The following LRRFIP1 variants were observed in gnomAD, a reference collection of about 807,000 sequenced individuals.
LRRFIP1 encodes leucine-rich repeat flightless-interacting protein 1.
A neutral mutation model predicts 104.4 loss-of-function variants in LRRFIP1; 62 were observed. The ratio of observed to expected loss-of-function variants is 0.59; its 90% CI spans 0.48 to 0.73. The LOEUF is 0.73. Ranked by LOEUF, LRRFIP1 falls within the 30% of genes least tolerant of loss-of-function variation. The probability of loss-of-function intolerance (pLI) is 0.00; values close to 1 mark genes in which losing one functional copy is unlikely to be tolerated. For missense variants in LRRFIP1, 796 were observed against 824.5 expected (o/e 0.97, Z 0.42); for synonymous variants, 300 against 299.0 (o/e 1.00, Z -0.03).
chr2:237,719,215 G>C (rs2094452591), intron 4 of LRRFIP1, among the ~76,000 whole-genome samples: 1 of 152,202 alleles, frequency 6.6e-6, no homozygotes, highest in South Asian at 2.1e-4. Context: ...AAAGTAGATT[G>C]ATTTAAATGG....
chr2:237,681,675 A>ATTTTT (rs1359912875), intron 1 of LRRFIP1, among the ~76,000 whole-genome samples: 1 of 54,614 alleles, frequency 1.8e-5, no homozygotes, highest in African/African-American at 6.3e-5. Context: ...CCGCAGTCCT[A>ATTTTT]TTCTTTTTTT....
chr2:237,650,875 T>C (rs948855373), intron 1 of LRRFIP1, among the ~76,000 whole-genome samples: 11 of 152,116 alleles, frequency 7.2e-5, no homozygotes, highest in African/African-American at 2.7e-4. Flanking sequence ...CCTGTGCCAG[T>C]GTGGGAAGCT....
At chr2:237,692,187 G>C in intron 1 of LRRFIP1, 1 of 1,041,722 alleles carries the variant, frequency 9.6e-7, no homozygotes, top group South Asian at 4.6e-5. Flanking sequence ...GGAGGCGCCC[G>C]AGTCCCGCTT....
rs541555092 is a variant in LRRFIP1, at chr2:237,703,092, C to T, written c.97-5452C>T. The stretch of plus-strand genomic sequence containing the variant: ...ACAGACCAGCCCCCATGAACCCTAG[C>T]GAGGGCCATGCCAAGAAGCCGCTGT... On this transcript the variant is annotated intron_variant, in intron 1 of 23. Transcript: ENST00000308482. This position sits in a 1 kb window ranked among gnomAD's most constrained non-coding sequence, Gnocchi z 4.3. 2.0e-5 allele frequency among the ~76,000 whole-genome samples: 3 copies of T among 152,114 alleles called. No homozygotes were observed. Among genetic ancestry groups the T allele is most frequent in the South Asian group, 2.1e-4 (1 of 4,822 alleles).
intron 1 of LRRFIP1, among the ~76,000 whole-genome samples, chr2:237,705,241 C>G (rs1178916410): frequency 1.3e-5 from 2 of 152,186 alleles, no homozygotes; most frequent in Admixed American, 6.5e-5. Flanking sequence ...AGATACTCGC[C>G]CTGTGAGAGC....
At chr2:237,647,553 C>T (rs1246153798) in intron 1 of LRRFIP1, among the ~76,000 whole-genome samples, 3 of 152,092 alleles carry the variant, frequency 2.0e-5, no homozygotes, top group African/African-American at 4.8e-5. Context: ...GGAGCAGAAG[C>T]GGGGTCCTGC....
intron 1 of LRRFIP1, among the ~76,000 whole-genome samples, chr2:237,673,611 A>G (rs1451253920): frequency 6.6e-6 from 1 of 152,194 alleles, no homozygotes. Flanking sequence ...TTCTGTCTGT[A>G]GCTGGCGTGG....
rs369600399 is a variant in LRRFIP1, at chr2:237,727,923, A to G, written c.432A>G (p.Arg144=). 1.2e-5 allele frequency: 20 copies of G among 1,611,136 alleles called. No homozygotes were observed. The African/African-American group carries it at 2.4e-4, about 19-fold the overall frequency. The change falls in exon 8 of 24, where the codon AGA becomes AGG. Residue 144 remains arginine (R), a synonymous_variant. Coordinates refer to ENST00000308482, the MANE Select transcript of LRRFIP1 (RefSeq NM_001137550.2). ...GELYGSQSLN[R]RSGRPSCLYS... is the part of the protein sequence containing the mutation. ...TGTATGGATCACAGTCCCTGAATAGAAGATCTGGCAGGGTTAGTATAGTAA... is the reference window on the plus strand; with the variant it reads ...TGTATGGATCACAGTCCCTGAATAGGAGATCTGGCAGGGTTAGTATAGTAA...
intron 1 of LRRFIP1, among the ~76,000 whole-genome samples, chr2:237,643,735 G>GATGAATGA (rs58632926): frequency 0.025 from 3,715 of 151,518 alleles, 120 homozygotes; most frequent in African/African-American, 0.074. Context: ...TACAGGAACA[G>GATGAATGA]ATGAATGAAT....
At chr2:237,723,745 T>C (rs1163822300) in intron 7 of LRRFIP1, among the ~76,000 whole-genome samples, 159 bp downstream of exon 7, 1 of 152,250 alleles carries the variant, frequency 6.6e-6, no homozygotes, top group East Asian at 1.9e-4. Context: ...GAGTGAGCAG[T>C]CTTCCTCCTG....
chr2:237,738,701 G>A (rs1007732837), intron 10 of LRRFIP1, among the ~76,000 whole-genome samples: 2 of 152,236 alleles, frequency 1.3e-5, no homozygotes, highest in Non-Finnish European at 2.9e-5. Context: ...ATAGACAGAT[G>A]TGTACATAGC....
At chr2:237,741,199 G>A (rs1459763836) in intron 11 of LRRFIP1, among the ~76,000 whole-genome samples, 1 of 152,226 alleles carries the variant, frequency 6.6e-6, no homozygotes, top group Non-Finnish European at 1.5e-5. Flanking sequence ...TCCCCAGAGT[G>A]CATCAGGCAA....
rs1414087711 is a variant in LRRFIP1 at position 237,708,625 on chromosome 2, A to G, written c.178A>G (p.Lys60Glu). The G allele has an allele frequency of 6.3e-7, 1 of 1,597,212 alleles. No individual in the cohort carries two copies. The highest frequency in any genetic ancestry group is 8.5e-7 in the Non-Finnish European group (1 of 1,169,816). The change falls in exon 2 of 24, where the codon AAG becomes GAG. Residue 60 changes from lysine to glutamate, a missense_variant. Transcript: ENST00000308482. ...CATGAAGGAGCTGGAGCGGCAGCAG[A>G]AGGAGGTAACGCTTGGGGCTCCTTG... ...IRMKELERQQKEIYQVQKKYY... is the reference protein window; with the variant it reads ...IRMKELERQQEEIYQVQKKYY...
intron 1 of LRRFIP1, among the ~76,000 whole-genome samples, chr2:237,674,484 C>CT (rs2090841391): frequency 2.0e-5 from 3 of 152,216 alleles, no homozygotes; most frequent in Admixed American, 2.0e-4. Context: ...TGTTTGTCCT[C>CT]TTATTATTTT....
chr2:237,701,410 G>A (rs768876113), intron 1 of LRRFIP1, among the ~76,000 whole-genome samples: 1 of 152,262 alleles, frequency 6.6e-6, no homozygotes, highest in Non-Finnish European at 1.5e-5. Flanking sequence ...GAGGCCATGC[G>A]AGGATGGAAG....
At chr2:237,720,269 A>G (rs1264776667) in intron 5 of LRRFIP1, among the ~76,000 whole-genome samples, 2 of 145,134 alleles carry the variant, frequency 1.4e-5, no homozygotes, top group Admixed American at 1.4e-4. Context: ...TTTTTTTGAG[A>G]TGGTGTCTTG....
intron 1 of LRRFIP1, among the ~76,000 whole-genome samples, chr2:237,698,905 G>A (rs749573222): frequency 6.6e-6 from 1 of 152,184 alleles, no homozygotes; most frequent in Non-Finnish European, 1.5e-5. Context: ...AAATGCATAG[G>A]TGAGAAAGTC....
intron 7 of LRRFIP1, among the ~76,000 whole-genome samples, chr2:237,725,866 A>G (rs78597540): frequency 0.042 from 6,458 of 152,336 alleles, 109 homozygotes; most frequent in Middle Eastern, 0.092. Context: ...GGGTTCCGCC[A>G]CAGAGCTATG....
At chr2:237,743,797 C>A (rs1203412248) in intron 11 of LRRFIP1, among the ~76,000 whole-genome samples, 3 of 152,056 alleles carry the variant, frequency 2.0e-5, no homozygotes, top group African/African-American at 7.3e-5. Flanking sequence ...GAGCTGGGAT[C>A]CAGAGGTTTG....
Sources: gnomAD v4.1 joint callset for allele counts (sites outside exome capture counted in the v4.1 genomes callset) on GRCh38, gnomAD v4.1.1 for gene constraint, Gnocchi (gnomAD v3.1) non-coding constraint, MANE v1.5 for transcripts, NCBI Gene and HGNC (gene_info 2026-07-23, HGNC 2026-07-21) for gene names.